PRMT1: variants seen among roughly 807,000 people sequenced by gnomAD.
The protein encoded by PRMT1 is protein arginine methyltransferase 1, also known as protein arginine N-methyltransferase 1.
A neutral mutation model predicts 47.4 loss-of-function variants in PRMT1; 5 were observed. The observed-to-expected ratio is 0.11, with a 90% CI of 0.06 to 0.22. The LOEUF is 0.22. Ranked by LOEUF, PRMT1 falls within the 10% of genes least tolerant of loss-of-function variation. The pLI is 1.00. For missense variants in PRMT1, 249 were observed against 518.4 expected (o/e 0.48, Z 5.05); for synonymous variants, 227 against 204.6 (o/e 1.11, Z -0.94).
At position 49,685,230 on chromosome 19, in the gene PRMT1, T is replaced by C. The variant is rs914944542; in HGVS notation, c.759+193T>C. On this transcript the variant is annotated intron_variant, in intron 8 of 10. Coordinates refer to ENST00000454376, the MANE Select transcript of PRMT1 (RefSeq NM_001536.6). This position sits in a 1 kb window ranked among gnomAD's most constrained non-coding sequence, Gnocchi z 4.7. ...AAATATCTTTGTGAGCGCTGCTGTG[T>C]GAGAACCATGCTTGGCACTTGGCTT... 6.6e-7 allele frequency: 1 copy of C among 1,510,984 alleles called. No homozygotes were observed. The highest frequency in any genetic ancestry group is 1.4e-5 in the African/African-American group (1 of 72,476). 93.6% of individuals were successfully genotyped at this position (1,510,984 alleles called of 1,614,324 possible).
At position 49,680,373 on chromosome 19, in the gene PRMT1, G is replaced by A. The variant is rs1412031417; in HGVS notation, c.91-114G>A. 6.2e-6 allele frequency: 7 copies of A among 1,137,806 alleles called. No individual in the cohort carries two copies. The highest frequency in any genetic ancestry group is 6.6e-6 in the Non-Finnish European group (5 of 760,562). The allele number at this position is 1,137,806 out of a possible 1,614,324, so 70.5% of individuals were successfully genotyped here. The stretch of plus-strand genomic sequence containing the variant: ...CAGGCGGGGGCTGTAGGGTTGTCAT[G>A]GTATGATTTTGGGGGTTCTATACTA... On this transcript the variant is annotated intron_variant, in intron 2 of 10. Transcript: ENST00000454376. The surrounding 1 kb of genome is among the most constrained non-coding windows in gnomAD (Gnocchi z 4.2).
At chr19:49,676,957 T>G (rs2122916120), upstream of PRMT1, 10 of 284,296 alleles carry the variant, frequency 3.5e-5, no homozygotes, top group East Asian at 5.6e-5. Context: ...CGGTGCTGGG[T>G]GTAAAGGGGA....
chr19:49,683,258 G>A (rs1260036134), intron 5 of PRMT1, among the ~76,000 whole-genome samples: 1 of 151,852 alleles, frequency 6.6e-6, no homozygotes, highest in African/African-American at 2.4e-5. Flanking sequence ...ATGAACGCAC[G>A]AGTCCATTTG....
rs1016785475 is a variant in PRMT1 at position 49,686,294 on chromosome 19, C to T, written c.910+51C>T. ...GGCCGTTCCCGAGCCAGGGCGGAGG[C>T]GCACCCACGTAGTGGAGGGGGTGAC... On this transcript the variant is annotated intron_variant, in intron 9 of 10. Coordinates refer to ENST00000454376, the MANE Select transcript of PRMT1 (RefSeq NM_001536.6). The T allele has an allele frequency of 9.1e-6, 14 of 1,535,908 alleles. No homozygotes were observed. In the Admixed American group the frequency reaches 1.2e-4, roughly 13 times the overall value.
Position 49,686,047 on chromosome 19 carries a change from G to C in PRMT1, c.760-46G>C, listed in dbSNP as rs1291369830. ...CTTAAGGGAGGGAGGAGGGGATGAA[G>C]CGAGGTGGGGACGCATCCCGGAGCT... On this transcript the variant is annotated intron_variant, in intron 8 of 10. Transcript: ENST00000454376. The C allele has an allele frequency of 4.4e-6, 7 of 1,584,392 alleles. No individual in the cohort carries two copies. The East Asian group carries it at 1.6e-4, about 35-fold the overall frequency.
At chr19:49,683,756 C>G (rs2082160111) in intron 5 of PRMT1, 171 bp from the exon 6 acceptor site, 1 of 671,832 alleles carries the variant, frequency 1.5e-6, no homozygotes, top group Non-Finnish European at 2.4e-6. Flanking sequence ...GCTCCTGCCT[C>G]AAAAATGTCC....
intron 5 of PRMT1, among the ~76,000 whole-genome samples, chr19:49,682,769 C>T (rs1361530847): frequency 6.8e-6 from 1 of 146,482 alleles, no homozygotes; most frequent in Non-Finnish European, 1.5e-5. Context: ...ATCATAGGTA[C>T]ATCCCCAGCA....
chr19:49,687,633 A>C (rs925643429), intron 10 of PRMT1, among the ~76,000 whole-genome samples: 1 of 151,672 alleles, frequency 6.6e-6, no homozygotes, highest in Admixed American at 6.6e-5. Context: ...TCCTGCAGCC[A>C]CAGGACCACC....
At chr19:49,676,247 G>A (rs2082038307), upstream of PRMT1, 1 of 152,304 alleles carries the variant, frequency 6.6e-6, no homozygotes, top group Non-Finnish European at 1.5e-5. Flanking sequence ...CTCATTCCGG[G>A]ATTGGAGAGA....
Position 49,685,581 on chromosome 19 carries a change from C to T in PRMT1, c.760-512C>T, listed in dbSNP as rs1191711860. 22 of 1,017,426 alleles carry T rather than the reference C, an allele frequency of 2.2e-5. No individual in the cohort carries two copies. The Admixed American group carries it at 7.5e-4, about 35-fold the overall frequency. 63.0% of individuals were successfully genotyped at this position (1,017,426 alleles called of 1,614,324 possible). A position where few individuals can be genotyped will look rare whatever the true frequency, so the allele number is the denominator to read the frequency against. On this transcript the variant is annotated intron_variant, in intron 8 of 10. Transcript: ENST00000454376. This position sits in a 1 kb window ranked among gnomAD's most constrained non-coding sequence, Gnocchi z 4.7. Reference sequence around the variant, plus strand: ...AATACGGCGATGAGTATTTGTTGAGCTGGGATGTGTGAGCCGGGTGAAGCT... The same window carrying T: ...AATACGGCGATGAGTATTTGTTGAGTTGGGATGTGTGAGCCGGGTGAAGCT...
intron 1 of PRMT1, among the ~76,000 whole-genome samples, chr19:49,679,305 G>T (rs1352921931): frequency 2.0e-5 from 3 of 152,142 alleles, no homozygotes; most frequent in Non-Finnish European, 4.4e-5. Flanking sequence ...TTTTGTTTGG[G>T]GCTCCTGAGT....
chr19:49,679,789 C>G (rs985423990), intron 1 of PRMT1, 83 bp from the exon 2 acceptor site: 12 of 1,066,066 alleles, frequency 1.1e-5, no homozygotes, highest in African/African-American at 7.9e-5. Flanking sequence ...ACCCACCCCC[C>G]GGCCAGAGCC....
intron 1 of PRMT1, 148 bp from the exon 2 acceptor site, chr19:49,679,724 C>T: frequency 1.5e-6 from 1 of 681,442 alleles, no homozygotes; most frequent in Admixed American, 2.1e-5. Context: ...AACACCCCAC[C>T]TCATTACTTG....
In PRMT1 at chr19:49,680,288, G is replaced by T; in HGVS notation, c.91-199G>T. ...TGCTCCCCTGGATGGTGCTCTGGGG[G>T]GGTCCTGGAAGTGGAAAATGGGGTT... On this transcript the variant is annotated intron_variant, in intron 2 of 10. Coordinates refer to ENST00000454376, the MANE Select transcript of PRMT1 (RefSeq NM_001536.6). The surrounding 1 kb of genome is among the most constrained non-coding windows in gnomAD (Gnocchi z 4.2). The T allele has an allele frequency of 6.8e-7, 1 of 1,467,002 alleles. No individual in the cohort carries two copies. Among genetic ancestry groups the T allele is most frequent in the Middle Eastern group, 1.7e-4 (1 of 5,756 alleles). The allele number at this position is 1,467,002 out of a possible 1,614,324, so 90.9% of individuals were successfully genotyped here.
At chr19:49,686,360 G>T in intron 9 of PRMT1, 117 bp downstream of exon 9, 1 of 1,380,236 alleles carries the variant, frequency 7.2e-7, no homozygotes, top group Non-Finnish European at 9.7e-7. Flanking sequence ...GCGTGTTCCA[G>T]TGTGAGCTCT....
chr19:49,677,626 A>T, intron 1 of PRMT1: 1 of 279,670 alleles, frequency 3.6e-6, no homozygotes, highest in Non-Finnish European at 6.7e-6. Context: ...TGCCGAGTCC[A>T]GTGGCCCGGC....
Position 49,679,014 on chromosome 19 carries a change from G to T in PRMT1, c.37-858G>T, listed in dbSNP as rs557238361. Among the ~76,000 whole-genome samples the T allele has an allele frequency of 1.2e-4, 18 of 151,992 alleles. No homozygotes were observed. In the East Asian group the frequency reaches 3.5e-3, roughly 29 times the overall value. ...TTCTCCTGCTTCAGCCTCCTGAGTA[G>T]CTGGGATTACAGGCACCCGCCACCA... On this transcript the variant is annotated intron_variant, in intron 1 of 10. Coordinates refer to ENST00000454376, the MANE Select transcript of PRMT1 (RefSeq NM_001536.6).
Position 49,686,233 on chromosome 19 carries a change from C to A in PRMT1, c.900C>A (p.Gly300=). The A allele has an allele frequency of 6.2e-7, 1 of 1,603,148 alleles. No individual in the cohort carries two copies. Among genetic ancestry groups the A allele is most frequent in the Admixed American group, 1.7e-5 (1 of 58,308 alleles). ...TCACACGCTGCCACAAGAGGACCGGCTTCTCCACCAGTGAGGCGGGGCCCA... is the reference window on the plus strand; with the variant it reads ...TCACACGCTGCCACAAGAGGACCGGATTCTCCACCAGTGAGGCGGGGCCCA... ...IEFTRCHKRT[G]FSTSPESPYT... Residue 300 remains glycine (G), a synonymous_variant, in exon 9 of 11, where the codon GGC becomes GGA. Coordinates refer to ENST00000454376, the MANE Select transcript of PRMT1 (RefSeq NM_001536.6).
At chr19:49,683,874 G>A in intron 5 of PRMT1, 53 bp from the exon 6 acceptor site, 1 of 1,579,904 alleles carries the variant, frequency 6.3e-7, no homozygotes, top group Non-Finnish European at 8.6e-7. Flanking sequence ...GGGGAGGTGA[G>A]GTGAGGGGCA....
Sources: gnomAD v4.1 joint callset for allele counts (sites outside exome capture counted in the v4.1 genomes callset) on GRCh38, gnomAD v4.1.1 for gene constraint, Gnocchi (gnomAD v3.1) non-coding constraint, MANE v1.5 for transcripts, NCBI Gene and HGNC (gene_info 2026-07-23, HGNC 2026-07-21) for gene names.